The following TRHDE variants were observed in gnomAD, a reference collection of about 807,000 sequenced individuals.
The protein encoded by TRHDE is thyrotropin releasing hormone degrading enzyme, also known as thyrotropin-releasing hormone-degrading ectoenzyme.
Under a neutral mutation model 125.7 loss-of-function variants are expected in TRHDE, and 72 were observed. That is an observed-to-expected ratio of 0.57 (90% confidence interval 0.47 to 0.70). TRHDE has a LOEUF of 0.70. Ranked by LOEUF, TRHDE falls within the 30% of genes least tolerant of loss-of-function variation. The pLI, the probability that TRHDE is intolerant of heterozygous loss-of-function variation, is 0.00. For missense variants in TRHDE, 1,110 were observed against 1,327.1 expected, an observed-to-expected ratio of 0.84 and a Z score of 2.54; for synonymous variants, 509 against 509.1, an observed-to-expected ratio of 1.00 and a Z score of 0.00.
At chr12:72,518,531 G>A (rs1231071508) in intron 6 of TRHDE, among the ~76,000 whole-genome samples, 7 of 152,098 alleles carry the variant, frequency 4.6e-5, no homozygotes, top group South Asian at 2.1e-4. Context: ...TTTTGAGCCT[G>A]TGTGTGTCTC....
At chr12:72,656,133 C>CA (rs1318631233) in intron 17 of TRHDE, among the ~76,000 whole-genome samples, 12 of 152,016 alleles carry the variant, frequency 7.9e-5, no homozygotes, top group African/African-American at 2.9e-4. Flanking sequence ...GTATCCTTAG[C>CA]ATAGAAGGGA....
rs908012452 is a variant in TRHDE, at chr12:72,272,437, G to C, written c.-207G>C. The C allele has an allele frequency of 4.2e-6, 2 of 473,266 alleles. No individual in the cohort carries two copies. The highest frequency in any genetic ancestry group is 2.0e-5 in the African/African-American group (1 of 50,966). The allele number at this position is 473,266 out of a possible 1,614,324, so 29.3% of individuals were successfully genotyped here. A position where few individuals can be genotyped will look rare whatever the true frequency, so the allele number is the denominator to read the frequency against. On this transcript the variant is annotated 5_prime_UTR_variant, in exon 1 of 19. Coordinates refer to ENST00000261180, the MANE Select transcript of TRHDE (RefSeq NM_013381.3). This position sits in a 1 kb window ranked among gnomAD's most constrained non-coding sequence, Gnocchi z 6.7. ...GGGCGCGTCCCAGAGCTCACAGCCC[G>C]GTGTCCAGAGTGAGGCGGGGCTGAT...
At chr12:72,164,660 C>T (rs991956585) in intron 2 of TRHDE, among the ~76,000 whole-genome samples, 3 of 152,192 alleles carry the variant, frequency 2.0e-5, no homozygotes, top group African/African-American at 7.2e-5. Flanking sequence ...AACCACACGA[C>T]CCAGTGATGA....
chr12:72,518,776 G>A (rs1345375044), intron 6 of TRHDE, among the ~76,000 whole-genome samples: 3 of 152,216 alleles, frequency 2.0e-5, no homozygotes, highest in Non-Finnish European at 4.4e-5. Flanking sequence ...TTTTGCAGCG[G>A]CTGGTACTGG....
At chr12:72,464,067 C>T (rs1014080200) in intron 3 of TRHDE, among the ~76,000 whole-genome samples, 1 of 152,138 alleles carries the variant, frequency 6.6e-6, no homozygotes, top group Non-Finnish European at 1.5e-5. Context: ...TTAGTATGTA[C>T]TATTAAGCCA....
intron 1 of TRHDE, among the ~76,000 whole-genome samples, chr12:72,282,382 G>A (rs74103699): frequency 0.027 from 4,147 of 152,054 alleles, 204 homozygotes; most frequent in African/African-American, 0.095. Context: ...CAAAATCACC[G>A]TTGCTATGGG....
intron 3 of TRHDE, among the ~76,000 whole-genome samples, chr12:72,387,565 GT>G (rs1473238853): frequency 6.6e-6 from 1 of 152,128 alleles, no homozygotes; most frequent in Admixed American, 6.6e-5. Flanking sequence ...TGATTCTGCT[GT>G]TCAAACATTT....
At chr12:72,483,442 A>G (rs1208854926) in intron 5 of TRHDE, among the ~76,000 whole-genome samples, 1 of 151,984 alleles carries the variant, frequency 6.6e-6, no homozygotes, top group Non-Finnish European at 1.5e-5. Context: ...AATTAAAGAA[A>G]CTTATATTCT....
At chr12:72,447,541 A>G (rs144462831) in intron 3 of TRHDE, among the ~76,000 whole-genome samples, 45 of 152,202 alleles carry the variant, frequency 3.0e-4, no homozygotes, top group African/African-American at 1.1e-3. Context: ...TATGATTCTT[A>G]ACCAAAAGCA....
At chr12:72,488,005 A>T (rs1437250251) in intron 5 of TRHDE, among the ~76,000 whole-genome samples, 1 of 150,998 alleles carries the variant, frequency 6.6e-6, no homozygotes, top group African/African-American at 2.5e-5. Flanking sequence ...AAACAAAAAA[A>T]AATTCAACAG....
intron 1 of TRHDE, among the ~76,000 whole-genome samples, chr12:72,093,108 G>T (rs1040342411): frequency 3.9e-5 from 6 of 152,214 alleles, no homozygotes; most frequent in African/African-American, 1.4e-4. Flanking sequence ...TTTAAATTGT[G>T]AATGGGTTGG....
At chr12:72,588,406 G>A (rs974476078) in intron 12 of TRHDE, among the ~76,000 whole-genome samples, 2 of 152,296 alleles carry the variant, frequency 1.3e-5, no homozygotes, top group East Asian at 3.9e-4. Context: ...TGCTTGGCAT[G>A]TTTAAGAAAA....
intron 2 of TRHDE, among the ~76,000 whole-genome samples, chr12:72,244,116 A>G (rs982913344): frequency 6.6e-6 from 1 of 152,142 alleles, no homozygotes; most frequent in African/African-American, 2.4e-5. Context: ...ACCCTATGCT[A>G]CTGGATTTAT....
chr12:72,186,933 A>G (rs1057395296), intron 2 of TRHDE, among the ~76,000 whole-genome samples: 2 of 152,062 alleles, frequency 1.3e-5, no homozygotes, highest in Non-Finnish European at 2.9e-5. Flanking sequence ...AGCTTATCTT[A>G]TCAATTAGAT....
At chr12:72,109,068 A>C (rs1020078893) in intron 2 of TRHDE, among the ~76,000 whole-genome samples, 17 of 152,058 alleles carry the variant, frequency 1.1e-4, no homozygotes, top group African/African-American at 3.9e-4. Context: ...AAATTAGATG[A>C]ATCACTCCAC....
At chr12:72,362,781 T>C (rs1007473969) in intron 2 of TRHDE, among the ~76,000 whole-genome samples, 3 of 152,134 alleles carry the variant, frequency 2.0e-5, no homozygotes, top group African/African-American at 7.2e-5. Context: ...TTTCTACATA[T>C]GGCTAGCCAG....
At chr12:72,493,220 T>C (rs551941435) in intron 5 of TRHDE, among the ~76,000 whole-genome samples, 1 of 152,012 alleles carries the variant, frequency 6.6e-6, no homozygotes, top group Non-Finnish European at 1.5e-5. Flanking sequence ...TTGTGAACAT[T>C]ACAATCAAGA....
chr12:72,516,664 A>G (rs1332578569), intron 6 of TRHDE, among the ~76,000 whole-genome samples: 1 of 151,686 alleles, frequency 6.6e-6, no homozygotes, highest in Non-Finnish European at 1.5e-5. Context: ...TGCCCTGGCC[A>G]GAACTTCCAA....
rs1005357347 is a variant in TRHDE, at chr12:72,312,051, A to G, written c.1188+25097A>G. Among the ~76,000 whole-genome samples the G allele has an allele frequency of 4.6e-5, 7 of 152,328 alleles. No individual in the cohort carries two copies. The East Asian group carries it at 1.3e-3, about 29-fold the overall frequency. ...TCTGCCACATATGTTATAGACACTT[A>G]AAATACATCTTGCTTAATCCTCACA... On this transcript the variant is annotated intron_variant, in intron 2 of 18. Coordinates refer to ENST00000261180, the MANE Select transcript of TRHDE (RefSeq NM_013381.3).
Sources: gnomAD v4.1 joint callset for allele counts (sites outside exome capture counted in the v4.1 genomes callset) on GRCh38, gnomAD v4.1.1 for gene constraint, Gnocchi (gnomAD v3.1) non-coding constraint, MANE v1.5 for transcripts, NCBI Gene and HGNC (gene_info 2026-07-23, HGNC 2026-07-21) for gene names.